AAK1: variants seen among roughly 807,000 people sequenced by gnomAD.
AAK1 encodes AP2-associated protein kinase 1.
In AAK1, 37 loss-of-function variants were observed where a neutral mutation model predicts 116.0. The observed-to-expected ratio is 0.32, with a 90% CI of 0.25 to 0.42. The LOEUF (loss-of-function observed/expected upper bound fraction) is 0.42, where lower values mean the gene tolerates loss of function less well. Among genes scored for constraint, AAK1 ranks in the 10% least tolerant of loss-of-function variants. The pLI is 1.00. For missense variants in AAK1, 919 were observed against 1,170.6 expected (o/e 0.79, Z 3.14); for synonymous variants, 458 against 439.9 (o/e 1.04, Z -0.51).
intron 20 of AAK1, among the ~76,000 whole-genome samples, chr2:69,477,434 C>T (rs1461312620): frequency 4.6e-5 from 7 of 152,068 alleles, no homozygotes; most frequent in Non-Finnish European, 8.8e-5. Flanking sequence ...GAAGTAACCA[C>T]TGTATATAAT....
Position 69,458,351 on chromosome 2 carries a change from TCTATCTC to T in AAK1, c.*17511_*17517del. 1 of 152,730 alleles carries T rather than the reference TCTATCTC, an allele frequency of 6.5e-6. No individual in the cohort carries two copies. The highest frequency in any genetic ancestry group is 1.9e-4 in the East Asian group (1 of 5,184). 9.5% of individuals were successfully genotyped at this position (152,730 alleles called of 1,614,324 possible). ...GGTCCTTGTCCTTTATTATTTGGTT[TCTATCTC>T]CTAACAAATGACATTAAATGTTCCC... On this transcript the variant is annotated 3_prime_UTR_variant, in exon 22 of 22. Transcript: ENST00000409085.
chr2:69,628,318 A>T (rs1361554289), intron 2 of AAK1, among the ~76,000 whole-genome samples: 1 of 151,748 alleles, frequency 6.6e-6, no homozygotes, highest in Non-Finnish European at 1.5e-5. Context: ...TCCCAGCTAC[A>T]TAGGTCTAAC....
chr2:69,478,870 T>C, intron 20 of AAK1, 81 bp downstream of exon 20: 15 of 1,192,254 alleles, frequency 1.3e-5, no homozygotes, highest in Non-Finnish European at 1.9e-5. Context: ...TAAAGACTTT[T>C]GATAAGAAAA....
At chr2:69,593,482 G>A (rs1163381929) in intron 2 of AAK1, among the ~76,000 whole-genome samples, 1 of 151,026 alleles carries the variant, frequency 6.6e-6, no homozygotes, top group African/African-American at 2.4e-5. Flanking sequence ...CATAAATTTG[G>A]TATATATATT....
intron 12 of AAK1, among the ~76,000 whole-genome samples, chr2:69,517,357 G>A (rs1050810385): frequency 7.2e-5 from 11 of 152,134 alleles, no homozygotes; most frequent in African/African-American, 2.4e-4. Context: ...CATCCCTGAT[G>A]AATTAAGGAA....
chr2:69,518,920 T>C, intron 12 of AAK1, 34 bp downstream of exon 12: 3 of 1,504,136 alleles, frequency 2.0e-6, no homozygotes, highest in Non-Finnish European at 2.7e-6. Context: ...ATGACTCAGA[T>C]ATGCAAGCAA....
In AAK1 at chr2:69,542,631, C is replaced by T. The variant is rs1411866265; in HGVS notation, c.426G>A (p.Leu142=). The T allele has an allele frequency of 6.2e-7, 1 of 1,613,952 alleles. No individual in the cohort carries two copies. Among genetic ancestry groups the T allele is most frequent in the Admixed American group, 1.7e-5 (1 of 60,024 alleles). ...CTTCATTCTCTGTAAAGCCTGTTTG[C>T]AGGCGCTGGTTCATCAGGTTTACCA... The part of the protein sequence containing the change: ...GQVVNLMNQR[L]QTGFTENEVL... Residue 142 remains leucine (L), a synonymous_variant, in exon 5 of 22, where the codon CTG becomes CTA. Coordinates refer to ENST00000409085, the MANE Select transcript of AAK1 (RefSeq NM_014911.5).
At chr2:69,612,670 C>T (rs1674139663) in intron 2 of AAK1, among the ~76,000 whole-genome samples, 1 of 152,178 alleles carries the variant, frequency 6.6e-6, no homozygotes, top group Non-Finnish European at 1.5e-5. Flanking sequence ...AAACCATGTG[C>T]TGTATAAGTT....
intron 2 of AAK1, among the ~76,000 whole-genome samples, chr2:69,575,605 A>G (rs139780634): frequency 0.019 from 2,938 of 151,630 alleles, 80 homozygotes; most frequent in African/African-American, 0.065. Flanking sequence ...AGTAGCCAGG[A>G]TTACAGGCAC....
chr2:69,507,683 C>G, intron 14 of AAK1, 105 bp from the exon 15 acceptor site: 2 of 1,028,124 alleles, frequency 1.9e-6, no homozygotes, highest in Non-Finnish European at 2.7e-6. Context: ...TTTTCTGGGT[C>G]AAACCATCAT....
chr2:69,466,525 G>A lies in AAK1; in HGVS notation c.*9344C>T. On this transcript the variant is annotated 3_prime_UTR_variant, in exon 22 of 22. Coordinates refer to ENST00000409085, the MANE Select transcript of AAK1 (RefSeq NM_014911.5). Reference sequence around the variant, plus strand: ...TTAAAGTGCTCTACAGTTATTACAGGACAGGGATTGGACTCCCTCTGGAGA... The same window carrying A: ...TTAAAGTGCTCTACAGTTATTACAGAACAGGGATTGGACTCCCTCTGGAGA... The A allele has an allele frequency of 8.3e-7, 1 of 1,212,014 alleles. No homozygotes were observed. Among genetic ancestry groups the A allele is most frequent in the Non-Finnish European group, 1.1e-6 (1 of 949,430 alleles). The allele number at this position is 1,212,014 out of a possible 1,614,324, so 75.1% of individuals were successfully genotyped here. A position where few individuals can be genotyped will look rare whatever the true frequency, so the allele number is the denominator to read the frequency against.
chr2:69,567,592 G>A (rs1671931196), intron 2 of AAK1, among the ~76,000 whole-genome samples: 1 of 152,050 alleles, frequency 6.6e-6, no homozygotes, highest in African/African-American at 2.4e-5. Flanking sequence ...AAACTACAAT[G>A]ACAGCAACAA....
intron 2 of AAK1, among the ~76,000 whole-genome samples, chr2:69,601,280 G>C (rs1407900241): frequency 1.3e-5 from 2 of 152,214 alleles, no homozygotes. Flanking sequence ...AAAACTACTT[G>C]TGTGACTCAT....
rs775958702 is a variant in AAK1 at position 69,530,697 on chromosome 2, C to T, written c.666G>A (p.Thr222=). The change falls in exon 7 of 22, where the codon ACG becomes ACA. Residue 222 remains threonine, a synonymous_variant. Coordinates refer to ENST00000409085, the MANE Select transcript of AAK1 (RefSeq NM_014911.5). Reference sequence around the variant, plus strand: ...CCATTTCTGGTGCTCGATAGGACAGCGTTGTGTATCTACAATCAAGAGATT... The same window carrying T: ...CCATTTCTGGTGCTCGATAGGACAGTGTTGTGTATCTACAATCAAGAGATT... The part of the protein sequence containing the change: ...AVEDEIKKYT[T]LSYRAPEMVN... 3.7e-6 allele frequency: 6 copies of T among 1,611,936 alleles called. 1 individual carries two copies. The highest frequency in any genetic ancestry group is 3.3e-5 in the South Asian group (3 of 91,004).
At chr2:69,524,060 C>CCT (rs1376684807) in intron 10 of AAK1, among the ~76,000 whole-genome samples, 4 of 152,124 alleles carry the variant, frequency 2.6e-5, no homozygotes, top group African/African-American at 9.7e-5. Flanking sequence ...TTTGGAAGAA[C>CCT]CTAGGTTGAA....
intron 2 of AAK1, among the ~76,000 whole-genome samples, chr2:69,593,200 A>G (rs35024605): frequency 0.27 from 41,177 of 152,104 alleles, 6,149 homozygotes; most frequent in East Asian, 0.56. Flanking sequence ...ATGTAGAAGT[A>G]TATATATTTA....
rs146634859 is a variant in AAK1, at chr2:69,615,239, G to A, written c.163+27639C>T. 5.4e-3 allele frequency among the ~76,000 whole-genome samples: 820 copies of A among 152,222 alleles called. 8 individuals carry two copies. The highest frequency in any genetic ancestry group is 0.019 in the African/African-American group (777 of 41,522). On this transcript the variant is annotated intron_variant, in intron 2 of 21. Transcript: ENST00000409085. Reference sequence around the variant, plus strand: ...TTCGACCTCAGCTTAGCCACTTCTCGGGACTTCGCAGAGAAGCCCCGCAGG... The same window carrying A: ...TTCGACCTCAGCTTAGCCACTTCTCAGGACTTCGCAGAGAAGCCCCGCAGG...
chr2:69,643,078 T>C lies in AAK1; in HGVS notation c.-38A>G. 1 of 1,431,592 alleles carries C rather than the reference T, an allele frequency of 7.0e-7. No homozygotes were observed. Among genetic ancestry groups the C allele is most frequent in the Non-Finnish European group, 9.1e-7 (1 of 1,100,616 alleles). The allele number at this position is 1,431,592 out of a possible 1,614,324, so 88.7% of individuals were successfully genotyped here. On this transcript the variant is annotated 5_prime_UTR_variant, in exon 2 of 22. Transcript: ENST00000409085. ...GAGCAGCAAAGCAAAATACCGATGG[T>C]TTCTAGATTTTTTTTTTTTTTTTTT...
chr2:69,514,885 A>G, intron 12 of AAK1, 136 bp from the exon 13 acceptor site: 1 of 956,686 alleles, frequency 1.0e-6, no homozygotes. Context: ...GGCTAGGCCT[A>G]AAATCTCATG....
Sources: allele counts gnomAD v4.1 joint callset (sites outside exome capture counted in the v4.1 genomes callset), GRCh38; gene constraint gnomAD v4.1.1; transcripts MANE v1.5; gene names NCBI Gene and HGNC (gene_info 2026-07-23, HGNC 2026-07-21).